The following PTPRA variants were observed in gnomAD, a reference collection of about 807,000 sequenced individuals.
PTPRA encodes the protein receptor-type tyrosine-protein phosphatase alpha.
Under a neutral mutation model 104.8 loss-of-function variants are expected in PTPRA, and 25 were observed. The ratio of observed to expected loss-of-function variants is 0.24; its 90% CI spans 0.17 to 0.33. The LOEUF is 0.33. PTPRA is among the 10% of genes least tolerant of loss of function. PTPRA has a pLI of 1.00. For missense variants in PTPRA, 765 were observed against 1,015.3 expected (o/e 0.75, Z 3.35); for synonymous variants, 323 against 368.9 (o/e 0.88, Z 1.43).
intron 1 of PTPRA, among the ~76,000 whole-genome samples, chr20:2,899,561 G>A (rs2059149085): frequency 2.0e-5 from 3 of 152,052 alleles, no homozygotes; most frequent in Admixed American, 6.5e-5. Context: ...TATGATTTTT[G>A]TGTAGCCTCA....
chr20:2,953,633 A>C (rs1313247970), intron 3 of PTPRA, among the ~76,000 whole-genome samples: 1 of 149,862 alleles, frequency 6.7e-6, no homozygotes, highest in African/African-American at 2.5e-5. Context: ...TTTGAGACAG[A>C]ATCTTGCTGT....
chr20:3,026,839 C>T (rs558158268), intron 18 of PTPRA, 59 bp downstream of exon 18: 1 of 1,395,978 alleles, frequency 7.2e-7, no homozygotes, highest in African/African-American at 1.4e-5. Flanking sequence ...TCCCTCCACC[C>T]CTTCCATTTC....
chr20:2,963,407 G>C (rs2061827933), intron 3 of PTPRA, among the ~76,000 whole-genome samples: 1 of 152,012 alleles, frequency 6.6e-6, no homozygotes, highest in South Asian at 2.1e-4. Flanking sequence ...TTTGAGACCA[G>C]CGTGACCAAC....
chr20:2,988,522 C>T, intron 9 of PTPRA, 48 bp downstream of exon 9: 2 of 1,590,256 alleles, frequency 1.3e-6, no homozygotes, highest in Non-Finnish European at 1.7e-6. Context: ...GAAGGCAGAC[C>T]TAAAGTCAGA....
chr20:3,016,058 C>T (rs992866167), intron 12 of PTPRA, among the ~76,000 whole-genome samples, 173 bp downstream of exon 12: 7 of 152,184 alleles, frequency 4.6e-5, no homozygotes, highest in Admixed American at 1.3e-4. Context: ...CAGCCTTCAT[C>T]TTGATGACTT....
chr20:2,949,611 G>C (rs954887112), intron 3 of PTPRA, among the ~76,000 whole-genome samples: 1 of 151,870 alleles, frequency 6.6e-6, no homozygotes, highest in East Asian at 1.9e-4. Flanking sequence ...TTCTTGTTGC[G>C]AAGGCAGACT....
intron 1 of PTPRA, among the ~76,000 whole-genome samples, chr20:2,913,809 TGAGGAG>T (rs1314562223): frequency 6.6e-6 from 1 of 152,128 alleles, no homozygotes; most frequent in Non-Finnish European, 1.5e-5. Flanking sequence ...CAGTATTTTA[TGAGGAG>T]GAGGAGGAGG....
At chr20:2,954,735 CT>C (rs1488503167) in intron 3 of PTPRA, among the ~76,000 whole-genome samples, 1 of 152,110 alleles carries the variant, frequency 6.6e-6, no homozygotes, top group East Asian at 1.9e-4. Context: ...TGTTTTGTTG[CT>C]TGTGCTTTTG....
chr20:2,957,783 C>T (rs1387157671), intron 3 of PTPRA, among the ~76,000 whole-genome samples: 1 of 151,924 alleles, frequency 6.6e-6, no homozygotes, highest in African/African-American at 2.4e-5. Context: ...AGGCCAACAG[C>T]CACATGTGTG....
rs143640631 is a variant in PTPRA, at chr20:2,950,405, G to A, written c.-7+2381G>A. On this transcript the variant is annotated intron_variant, in intron 3 of 23. Coordinates refer to ENST00000399903, the MANE Select transcript of PTPRA (RefSeq NM_001385305.1). This position sits in a 1 kb window ranked among gnomAD's most constrained non-coding sequence, Gnocchi z 4.0. Reference sequence around the variant, plus strand: ...TGTAATCCCAGCACTTTGGGAGGCCGAGGCGGGCGGATCACGAGGTCAAGA... The same window carrying A: ...TGTAATCCCAGCACTTTGGGAGGCCAAGGCGGGCGGATCACGAGGTCAAGA... Among the ~76,000 whole-genome samples the A allele has an allele frequency of 6.2e-3, 949 of 152,008 alleles. 8 individuals carry two copies. The highest frequency in any genetic ancestry group is 0.021 in the African/African-American group (886 of 41,436).
Position 2,975,261 on chromosome 20 carries a change from T to C in PTPRA, c.442+20T>C. The C allele has an allele frequency of 6.3e-7, 1 of 1,582,184 alleles. No individual in the cohort carries two copies. Among genetic ancestry groups the C allele is most frequent in the South Asian group, 1.1e-5 (1 of 89,092 alleles). The stretch of plus-strand genomic sequence containing the variant: ...GAAGAGGTGAGCTGCTCACCTTATA[T>C]CTGTTGTTCCTTTTACACAGTGTAC... On this transcript the variant is annotated intron_variant, in intron 6 of 23. Transcript: ENST00000399903.
Position 3,023,453 on chromosome 20 carries a change from A to G in PTPRA, c.1464+629A>G, listed in dbSNP as rs139852576. Among the ~76,000 whole-genome samples, 357 of 152,342 alleles carry G rather than the reference A, an allele frequency of 2.3e-3. No homozygotes were observed. The Middle Eastern group carries it at 0.024, about 10-fold the overall frequency. ...GTCTTGGTGTAAAACCCGATCGTACATTCTATTTACTGAGATAGGAGAAAA... is the reference window on the plus strand; with the variant it reads ...GTCTTGGTGTAAAACCCGATCGTACGTTCTATTTACTGAGATAGGAGAAAA... On this transcript the variant is annotated intron_variant, in intron 16 of 23. Transcript: ENST00000399903.
rs552370619 is a variant in PTPRA, at chr20:2,938,597, G to T, written c.-49-9385G>T. Among the ~76,000 whole-genome samples the T allele has an allele frequency of 5.3e-5, 8 of 152,070 alleles. No individual in the cohort carries two copies. In the South Asian group the frequency reaches 8.3e-4, roughly 16 times the overall value. ...TTAGATCTTTGTTATTATCCCACAG[G>T]ACTTTGAAACTGTGTTCATTTCTTT... On this transcript the variant is annotated intron_variant, in intron 2 of 23. Transcript: ENST00000399903.
intron 1 of PTPRA, among the ~76,000 whole-genome samples, chr20:2,897,631 G>A (rs2059061719): frequency 6.6e-6 from 1 of 151,854 alleles, no homozygotes; most frequent in Non-Finnish European, 1.5e-5. Context: ...CAGATGATCT[G>A]CCCACCTTGG....
chr20:3,026,738 C>G lies in PTPRA; in HGVS notation c.1666C>G (p.Pro556Ala). ...TGACAAGATGCGGACTGGAAACCTTCCAGCCAACATGAAGAAGAACCGTGT... is the reference window on the plus strand; with the variant it reads ...TGACAAGATGCGGACTGGAAACCTTGCAGCCAACATGAAGAAGAACCGTGT... ...QNDKMRTGNL[P>A]ANMKKNRVLQ... The change falls in exon 18 of 24, where the codon CCA becomes GCA. Residue 556 changes from proline to alanine, a missense_variant. This residue lies in a region of PTPRA where 192 missense variants were observed against 227.0 expected (regional missense o/e 0.85). Transcript: ENST00000399903. 6.2e-7 allele frequency: 1 copy of G among 1,613,526 alleles called. No individual in the cohort carries two copies. The highest frequency in any genetic ancestry group is 1.3e-5 in the African/African-American group (1 of 75,010).
chr20:3,032,878 C>T (rs1600289543), intron 20 of PTPRA, among the ~76,000 whole-genome samples: 1 of 151,246 alleles, frequency 6.6e-6, no homozygotes, highest in South Asian at 2.1e-4. Flanking sequence ...TGACTGTCCT[C>T]TTGCCAAATC....
At position 2,950,174 on chromosome 20, in the gene PTPRA, T is replaced by A. The variant is rs2061304734; in HGVS notation, c.-7+2150T>A. ...TTTATGTGGGACAAATTTGAACTTG[T>A]GGTCAACCTCTTTAATTGTAAGAAT... On this transcript the variant is annotated intron_variant, in intron 3 of 23. Transcript: ENST00000399903. This position sits in a 1 kb window ranked among gnomAD's most constrained non-coding sequence, Gnocchi z 4.0. Among the ~76,000 whole-genome samples the A allele has an allele frequency of 6.6e-6, 1 of 152,164 alleles. No individual in the cohort carries two copies. Among genetic ancestry groups the A allele is most frequent in the South Asian group, 2.1e-4 (1 of 4,834 alleles).
At chr20:2,995,895 C>T (rs865893044) in intron 9 of PTPRA, among the ~76,000 whole-genome samples, 12 of 152,144 alleles carry the variant, frequency 7.9e-5, no homozygotes, top group Non-Finnish European at 1.5e-4. Context: ...CACCCCTACT[C>T]GTTTACCACC....
At chr20:2,865,063 C>T in the PTPRA span, 2 of 1,614,124 alleles carry the variant, frequency 1.2e-6, no homozygotes, top group East Asian at 4.5e-5. This position sits in a 1 kb window ranked among gnomAD's most constrained non-coding sequence, Gnocchi z 5.2. Context: ...AAGGTTTGGC[C>T]CACCTTTTTC....
Sources: gnomAD v4.1 joint callset for allele counts (sites outside exome capture counted in the v4.1 genomes callset) on GRCh38, gnomAD v4.1.1 for gene constraint, gnomAD v4.1.1 regional missense constraint, Gnocchi (gnomAD v3.1) non-coding constraint, MANE v1.5 for transcripts, NCBI Gene and HGNC (gene_info 2026-07-23, HGNC 2026-07-21) for gene names.